The following HDAC9 variants were observed in gnomAD, a reference collection of about 807,000 sequenced individuals.
HDAC9 encodes MEF-2 interacting transcription repressor (MITR) protein.
Under a neutral mutation model 139.4 loss-of-function variants are expected in HDAC9, and 41 were observed. The observed-to-expected ratio is 0.29, with a 90% confidence interval of 0.23 to 0.38. The LOEUF (loss-of-function observed/expected upper bound fraction) is 0.38, where lower values mean the gene tolerates loss of function less well. Ranked by LOEUF, HDAC9 falls within the 10% of genes least tolerant of loss-of-function variation. HDAC9 has a pLI of 1.00. For synonymous variants in HDAC9, 517 were observed against 476.2 expected (o/e 1.09, Z -1.12); for missense variants, 1,147 against 1,297.0 (o/e 0.88, Z 1.78).
At chr7:18,232,540 C>T (rs184978411) in intron 2 of HDAC9, among the ~76,000 whole-genome samples, 8 of 152,260 alleles carry the variant, frequency 5.3e-5, no homozygotes, top group Admixed American at 2.6e-4. Flanking sequence ...ACTTTTCTAT[C>T]GTAGTTATTT....
chr7:18,629,550 T>C, intron 7 of HDAC9, 69 bp downstream of exon 7: 2 of 1,397,448 alleles, frequency 1.4e-6, no homozygotes, highest in Non-Finnish European at 1.9e-6. Flanking sequence ...TTAGAATAAA[T>C]ATACCTGCTG....
chr7:18,750,459 A>G (rs923891209), intron 14 of HDAC9, among the ~76,000 whole-genome samples: 3 of 152,204 alleles, frequency 2.0e-5, no homozygotes, highest in Non-Finnish European at 4.4e-5. Flanking sequence ...TAGAATTATC[A>G]AACAGTTTTC....
chr7:18,645,872 A>G (rs1319161739), intron 9 of HDAC9, among the ~76,000 whole-genome samples: 1 of 152,110 alleles, frequency 6.6e-6, no homozygotes, highest in Non-Finnish European at 1.5e-5. Flanking sequence ...AAATCAACCT[A>G]AGAGATATTA....
chr7:18,398,913 C>T (rs1787293785), intron 1 of HDAC9, among the ~76,000 whole-genome samples: 1 of 151,972 alleles, frequency 6.6e-6, no homozygotes, highest in African/African-American at 2.4e-5. Context: ...ATCCCTTTCT[C>T]CCAGAGGTGG....
At chr7:18,992,760 T>G (rs1786089343) in intron 25 of HDAC9, among the ~76,000 whole-genome samples, 1 of 152,216 alleles carries the variant, frequency 6.6e-6, no homozygotes, top group Non-Finnish European at 1.5e-5. Context: ...AATTGATCCT[T>G]CTTTAGGATA....
chr7:18,799,255 A>C (rs1793088460), intron 17 of HDAC9, among the ~76,000 whole-genome samples: 1 of 152,234 alleles, frequency 6.6e-6, no homozygotes, highest in South Asian at 2.1e-4. Context: ...AAAGTCACTA[A>C]GAAAATGACG....
At chr7:18,308,568 A>T (rs761032918) in intron 1 of HDAC9, among the ~76,000 whole-genome samples, 38 of 152,164 alleles carry the variant, frequency 2.5e-4, no homozygotes, top group Non-Finnish European at 5.9e-5. Flanking sequence ...TAGGTGATTG[A>T]AGATGTGCTA....
intron 22 of HDAC9, among the ~76,000 whole-genome samples, chr7:18,934,662 C>T (rs1156705204): frequency 6.6e-6 from 1 of 152,116 alleles, no homozygotes; most frequent in Non-Finnish European, 1.5e-5. Context: ...TTGCCACCCA[C>T]TTGGCAAACC....
intron 21 of HDAC9, among the ~76,000 whole-genome samples, chr7:18,869,100 G>C (rs1000333499): frequency 6.6e-6 from 1 of 151,796 alleles, no homozygotes; most frequent in Non-Finnish European, 1.5e-5. Flanking sequence ...CAAAGAGGGG[G>C]GCATGGGAAC....
intron 6 of HDAC9, among the ~76,000 whole-genome samples, chr7:18,604,456 G>C (rs934589139): frequency 6.6e-6 from 1 of 151,466 alleles, no homozygotes; most frequent in Admixed American, 6.6e-5. Flanking sequence ...GCCCAGGCTG[G>C]AGTGCAGTGG....
chr7:18,666,791 TAC>T (rs1794999903), intron 12 of HDAC9: 1 of 1,123,704 alleles, frequency 8.9e-7, no homozygotes, highest in African/African-American at 1.6e-5. Flanking sequence ...CAAAGCCTGC[TAC>T]ACCAATTACT....
intron 17 of HDAC9, among the ~76,000 whole-genome samples, chr7:18,823,530 G>A (rs958180998): frequency 2.6e-5 from 4 of 152,114 alleles, no homozygotes; most frequent in Admixed American, 6.6e-5. Context: ...GGGAGAAAGT[G>A]ACAAAGTGAT....
intron 1 of HDAC9, among the ~76,000 whole-genome samples, chr7:18,296,963 G>A (rs1244655547): frequency 2.0e-5 from 3 of 152,176 alleles, no homozygotes; most frequent in Non-Finnish European, 4.4e-5. Flanking sequence ...CAGGAAGATT[G>A]AAGTGCCATG....
intron 2 of HDAC9, among the ~76,000 whole-genome samples, chr7:18,268,351 A>G (rs535930225): frequency 1.8e-4 from 28 of 152,206 alleles, no homozygotes; most frequent in South Asian, 1.5e-3. Context: ...TATACCTGTA[A>G]TATTTAGCAC....
rs138659732 is a variant in HDAC9 at position 18,863,393 on chromosome 7, G to A, written c.2685-11085G>A. On this transcript the variant is annotated intron_variant, in intron 21 of 25. Transcript: ENST00000686413. Reference sequence around the variant, plus strand: ...AACGTGGCCCAGGATGGCTTTGAACGTGGCCCAACACAAATTCGTAAACTT... The same window carrying A: ...AACGTGGCCCAGGATGGCTTTGAACATGGCCCAACACAAATTCGTAAACTT... Among the ~76,000 whole-genome samples the A allele has an allele frequency of 1.2e-4, 19 of 152,300 alleles. No homozygotes were observed. The East Asian group carries it at 3.1e-3, about 25-fold the overall frequency.
intron 11 of HDAC9, among the ~76,000 whole-genome samples, chr7:18,655,259 C>A (rs186664345): frequency 4.9e-4 from 74 of 152,218 alleles, no homozygotes; most frequent in Non-Finnish European, 8.8e-5. Context: ...CTTTTAATCA[C>A]CAATTTAGGA....
At chr7:18,764,852 A>T (rs1201219291) in intron 15 of HDAC9, among the ~76,000 whole-genome samples, 3 of 152,152 alleles carry the variant, frequency 2.0e-5, no homozygotes, top group African/African-American at 7.2e-5. Context: ...GTTAGGAGGA[A>T]GGGTTTAAAT....
intron 2 of HDAC9, among the ~76,000 whole-genome samples, chr7:18,249,883 T>A (rs551264652): frequency 6.6e-6 from 1 of 152,316 alleles, no homozygotes; most frequent in South Asian, 2.1e-4. Flanking sequence ...AAGGGTTTAA[T>A]TAATTATAAA....
intron 2 of HDAC9, among the ~76,000 whole-genome samples, chr7:18,549,771 T>A (rs964589318): frequency 6.6e-6 from 1 of 151,972 alleles, no homozygotes; most frequent in Non-Finnish European, 1.5e-5. Flanking sequence ...AAAGTCATAT[T>A]TTATGCACAC....
Sources: allele counts gnomAD v4.1 joint callset (sites outside exome capture counted in the v4.1 genomes callset), GRCh38; gene constraint gnomAD v4.1.1; transcripts MANE v1.5; gene names NCBI Gene and HGNC (gene_info 2026-07-23, HGNC 2026-07-21).